The following FBXL17 variants were observed in gnomAD, a reference collection of about 807,000 sequenced individuals.
FBXL17 encodes F-box/LRR-repeat protein 17.
Under a neutral mutation model 66.2 loss-of-function variants are expected in FBXL17, and 22 were observed. That is an observed-to-expected ratio of 0.33 (90% CI 0.24 to 0.47). The LOEUF is 0.47. Among genes scored for constraint, FBXL17 ranks in the 20% least tolerant of loss-of-function variants. The pLI is 1.00. For synonymous variants in FBXL17, 474 were observed against 400.5 expected (o/e 1.18, Z -2.19); for missense variants, 878 against 948.2 (o/e 0.93, Z 0.97).
At chr5:108,200,658 T>G (rs1753854307) in intron 5 of FBXL17, among the ~76,000 whole-genome samples, 1 of 148,158 alleles carries the variant, frequency 6.7e-6, no homozygotes, top group African/African-American at 2.5e-5. Context: ...CTGGTGAATG[T>G]AACAGAGAAA....
At chr5:107,872,904 G>A (rs979970839) in intron 8 of FBXL17, among the ~76,000 whole-genome samples, 5 of 152,186 alleles carry the variant, frequency 3.3e-5, no homozygotes, top group Admixed American at 3.3e-4. Flanking sequence ...TGAAATGGAA[G>A]ACAAGAGACA....
chr5:107,895,986 G>A (rs1287404168), intron 7 of FBXL17, among the ~76,000 whole-genome samples: 1 of 152,116 alleles, frequency 6.6e-6, no homozygotes, highest in Non-Finnish European at 1.5e-5. Flanking sequence ...GACAGACAAT[G>A]TAGATGGCTC....
At chr5:108,147,458 A>G (rs1751604533) in intron 6 of FBXL17, among the ~76,000 whole-genome samples, 1 of 152,126 alleles carries the variant, frequency 6.6e-6, no homozygotes, top group African/African-American at 2.4e-5. Flanking sequence ...AGAGATGGTG[A>G]GAGGATTGCT....
intron 4 of FBXL17, among the ~76,000 whole-genome samples, chr5:108,286,020 A>G (rs1014153464): frequency 2.0e-5 from 3 of 151,928 alleles, no homozygotes; most frequent in Non-Finnish European, 4.4e-5. Context: ...TCCTCTTATA[A>G]ATGCAACTGA....
At chr5:108,292,405 G>A (rs1476250526) in intron 4 of FBXL17, among the ~76,000 whole-genome samples, 3 of 152,074 alleles carry the variant, frequency 2.0e-5, no homozygotes, top group Non-Finnish European at 2.9e-5. Context: ...ACAGGCATGA[G>A]CCACCATGCC....
intron 6 of FBXL17, among the ~76,000 whole-genome samples, chr5:108,155,360 C>G (rs1396607579): frequency 6.6e-6 from 1 of 151,890 alleles, no homozygotes; most frequent in East Asian, 1.9e-4. Flanking sequence ...ACTAAAAATA[C>G]AAAAATTAGC....
chr5:108,195,118 T>C (rs368975682), intron 5 of FBXL17, among the ~76,000 whole-genome samples: 18 of 152,022 alleles, frequency 1.2e-4, no homozygotes, highest in African/African-American at 4.1e-4. Context: ...AGCAAAAATC[T>C]CAGTCCATAG....
intron 4 of FBXL17, among the ~76,000 whole-genome samples, chr5:108,302,915 C>G (rs1758657787): frequency 1.3e-5 from 2 of 151,684 alleles, no homozygotes; most frequent in South Asian, 2.1e-4. Context: ...ATATGTAATT[C>G]AATACAGAAA....
rs565853918 is a variant in FBXL17 at position 108,218,244 on chromosome 5, G to A, written c.1614+5877C>T. ...AGGATGGTCTCAAACTCCTGACCTC[G>A]TGATCCGCCCACCTCGGCCTCCCAA... On this transcript the variant is annotated intron_variant, in intron 5 of 8. Coordinates refer to ENST00000542267, the MANE Select transcript of FBXL17 (RefSeq NM_001163315.3). 3.4e-4 allele frequency among the ~76,000 whole-genome samples: 51 copies of A among 151,880 alleles called. No individual in the cohort carries two copies. In the East Asian group the frequency reaches 6.4e-3, roughly 19 times the overall value.
At chr5:108,136,865 A>C (rs1033718774) in intron 6 of FBXL17, among the ~76,000 whole-genome samples, 2 of 152,180 alleles carry the variant, frequency 1.3e-5, no homozygotes, top group Non-Finnish European at 2.9e-5. Flanking sequence ...AGATTTGATG[A>C]ATCCAGAATA....
chr5:108,167,282 A>G (rs1416159571), intron 6 of FBXL17, among the ~76,000 whole-genome samples: 1 of 152,210 alleles, frequency 6.6e-6, no homozygotes, highest in Non-Finnish European at 1.5e-5. Context: ...GCAGAAAACC[A>G]TGAGGCTAAG....
intron 4 of FBXL17, among the ~76,000 whole-genome samples, chr5:108,286,672 T>C (rs905748408): frequency 9.2e-5 from 14 of 151,864 alleles, no homozygotes; most frequent in African/African-American, 3.4e-4. Flanking sequence ...ATGCTCATAG[T>C]TAGGAAGAAC....
At chr5:108,172,805 T>C (rs1752657010) in intron 6 of FBXL17, among the ~76,000 whole-genome samples, 2 of 152,118 alleles carry the variant, frequency 1.3e-5, no homozygotes, top group Admixed American at 1.3e-4. Context: ...ATTTTATTTG[T>C]TTATTGTTTT....
At chr5:108,294,264 CAT>C (rs35017761) in intron 4 of FBXL17, among the ~76,000 whole-genome samples, 114,323 of 142,258 alleles carry the variant, frequency 0.8, 46,262 homozygotes, top group East Asian at 0.94. Flanking sequence ...ATATTCAGAA[CAT>C]ATATATATAT....
intron 6 of FBXL17, among the ~76,000 whole-genome samples, chr5:108,052,238 AT>A (rs1323148675): frequency 1.3e-5 from 2 of 152,206 alleles, no homozygotes; most frequent in Admixed American, 1.3e-4. Flanking sequence ...AATAAAGGGT[AT>A]TCAAATAGGA....
At chr5:108,137,841 G>T (rs1179146495) in intron 6 of FBXL17, among the ~76,000 whole-genome samples, 1 of 152,074 alleles carries the variant, frequency 6.6e-6, no homozygotes, top group Non-Finnish European at 1.5e-5. Flanking sequence ...GTAATTTTAG[G>T]TCCAGTACGA....
At chr5:108,073,883 G>C (rs974119416) in intron 6 of FBXL17, among the ~76,000 whole-genome samples, 32 of 152,200 alleles carry the variant, frequency 2.1e-4, no homozygotes, top group African/African-American at 7.5e-4. Context: ...GCAGATGGTG[G>C]TGCCATGCTT....
chr5:107,986,303 T>G (rs1024840734), intron 7 of FBXL17, among the ~76,000 whole-genome samples: 1 of 151,930 alleles, frequency 6.6e-6, no homozygotes, highest in Non-Finnish European at 1.5e-5. Flanking sequence ...ATAGACTTAT[T>G]TTGTTAGCAT....
chr5:107,915,253 A>T (rs946147141), intron 7 of FBXL17, among the ~76,000 whole-genome samples: 1 of 152,182 alleles, frequency 6.6e-6, no homozygotes, highest in Non-Finnish European at 1.5e-5. Context: ...CATAAGTAAA[A>T]CATTTTTGCC....
Sources: allele counts gnomAD v4.1 joint callset (sites outside exome capture counted in the v4.1 genomes callset), GRCh38; gene constraint gnomAD v4.1.1; transcripts MANE v1.5; gene names NCBI Gene and HGNC (gene_info 2026-07-23, HGNC 2026-07-21).